The following SYNE2 variants were observed in gnomAD, a reference collection of about 807,000 sequenced individuals.
SYNE2 encodes the protein nesprin-2.
SYNE2 carries 431 observed loss-of-function variants against 856.3 expected under a neutral mutation model. That is an observed-to-expected ratio of 0.50 (90% CI 0.47 to 0.55). SYNE2 has a LOEUF of 0.55. Among genes scored for constraint, SYNE2 ranks in the 20% least tolerant of loss-of-function variants. The pLI is 0.00. For synonymous variants in SYNE2, 2,923 were observed against 2,872.3 expected, an observed-to-expected ratio of 1.02 and a Z score of -0.56; for missense variants, 8,129 against 8,023.2, an observed-to-expected ratio of 1.01 and a Z score of -0.50.
chr14:64,008,922 G>A lies in SYNE2; in HGVS notation c.4578-1044G>A, dbSNP rs188947498. ...GCGGGGGTTAATCCCTGTGTGCCTC[G>A]GCCTCCCTGGCAGTTTCCCCTGATT... On this transcript the variant is annotated intron_variant, in intron 31 of 115. Transcript: ENST00000555002. Among the ~76,000 whole-genome samples the A allele has an allele frequency of 1.9e-3, 284 of 152,148 alleles. 2 individuals carry two copies. The highest frequency in any genetic ancestry group is 6.5e-3 in the African/African-American group (271 of 41,492).
Position 64,091,006 on chromosome 14 carries a change from A to G in SYNE2, c.11934A>G (p.Lys3978=), listed in dbSNP as rs1200775062. ...QRTNQLLQDI[K]LLENVTQEQN... is the part of the protein sequence containing the mutation. ...CAAATCAGCTTTTACAAGATATAAA[A>G]CTATTGGAAAATGTGACTCAAGAAC... The change falls in exon 60 of 116, where the codon AAA becomes AAG. Residue 3978 remains lysine, a synonymous_variant. Coordinates refer to ENST00000555002, the MANE Select transcript of SYNE2 (RefSeq NM_182914.3). 4.3e-6 allele frequency: 7 copies of G among 1,614,026 alleles called. No homozygotes were observed. In the East Asian group the frequency reaches 1.6e-4, roughly 36 times the overall value.
Position 63,867,894 on chromosome 14 carries a change from G to GA in SYNE2, c.-52+14759dup, listed in dbSNP as rs555280124. On this transcript the variant is annotated intron_variant, in intron 1 of 115. Coordinates refer to ENST00000555002, the MANE Select transcript of SYNE2 (RefSeq NM_182914.3). ...ACAATATAGCAAGACCCCAACTCTT[G>GA]AAAAAAAATTGCTTTAATTAGCTAG... Among the ~76,000 whole-genome samples, 499 of 151,628 alleles carry GA rather than the reference G, an allele frequency of 3.3e-3. 3 individuals carry two copies. The highest frequency in any genetic ancestry group is 0.011 in the African/African-American group (472 of 41,356).
chr14:63,989,679 T>G (rs141493586), intron 19 of SYNE2, among the ~76,000 whole-genome samples: 1 of 151,602 alleles, frequency 6.6e-6, no homozygotes, highest in Non-Finnish European at 1.5e-5. Flanking sequence ...AGATGGAGTT[T>G]CACTCTTGTC....
chr14:63,818,471 T>C (rs1460749658), intron 1 of SYNE2, among the ~76,000 whole-genome samples: 1 of 151,986 alleles, frequency 6.6e-6, no homozygotes, highest in East Asian at 1.9e-4. Flanking sequence ...TGAGCTATGA[T>C]TGCTCCCCTG....
At chr14:63,864,884 A>T (rs547563204) in intron 1 of SYNE2, among the ~76,000 whole-genome samples, 9 of 152,086 alleles carry the variant, frequency 5.9e-5, no homozygotes, top group Non-Finnish European at 2.9e-5. Flanking sequence ...GATCTTGAGT[A>T]ATACTCCGTG....
chr14:64,220,392 C>G (rs1034494704), intron 110 of SYNE2, 45 bp from the exon 111 acceptor site: 12 of 1,608,254 alleles, frequency 7.5e-6, no homozygotes, highest in African/African-American at 1.3e-5. Context: ...AGCCCCTCCT[C>G]CCTACTTTCA....
chr14:63,843,510 A>C (rs1890136941), intron 1 of SYNE2, among the ~76,000 whole-genome samples: 1 of 152,196 alleles, frequency 6.6e-6, no homozygotes, highest in Admixed American at 6.6e-5. Context: ...TATGTTGGCT[A>C]ATCTCCATTC....
chr14:63,978,034 T>G lies in SYNE2; in HGVS notation c.1406+17T>G. On this transcript the variant is annotated intron_variant, in intron 13 of 115. Transcript: ENST00000555002. Reference sequence around the variant, plus strand: ...GAAAAGACGGTGTGTAACACTACCATTTCACAGCTGCTGTCACTATTCACG... The same window carrying G: ...GAAAAGACGGTGTGTAACACTACCAGTTCACAGCTGCTGTCACTATTCACG... The G allele has an allele frequency of 2.0e-6, 3 of 1,481,232 alleles. No homozygotes were observed. The highest frequency in any genetic ancestry group is 2.8e-6 in the Non-Finnish European group (3 of 1,058,866). 91.8% of individuals were successfully genotyped at this position (1,481,232 alleles called of 1,614,324 possible). A position where few individuals can be genotyped will look rare whatever the true frequency, so the allele number is the denominator to read the frequency against.
At chr14:63,812,603 C>T (rs893675351) in intron 1 of SYNE2, among the ~76,000 whole-genome samples, 1 of 152,112 alleles carries the variant, frequency 6.6e-6, no homozygotes, top group Non-Finnish European at 1.5e-5. Context: ...GAAATCTTCA[C>T]AATTTATGTT....
intron 65 of SYNE2, among the ~76,000 whole-genome samples, chr14:64,111,260 A>AT (rs1272778025): frequency 4.0e-5 from 6 of 151,302 alleles, no homozygotes; most frequent in Non-Finnish European, 7.4e-5. Context: ...TGAATAAATA[A>AT]TGAAGGCAGG....
At position 64,003,346 on chromosome 14, in the gene SYNE2, C is replaced by T; in HGVS notation, c.4397+16C>T. The stretch of plus-strand genomic sequence containing the variant: ...TGAAACATCGGTAAGTATTGTCCAT[C>T]CATTTCCATCCAAGGTGACTGACAT... On this transcript the variant is annotated intron_variant, in intron 30 of 115. Transcript: ENST00000555002. 1 of 1,613,876 alleles carries T rather than the reference C, an allele frequency of 6.2e-7. No individual in the cohort carries two copies. The highest frequency in any genetic ancestry group is 8.5e-7 in the Non-Finnish European group (1 of 1,179,982).
chr14:63,882,924 C>T (rs1440633686), intron 1 of SYNE2, among the ~76,000 whole-genome samples: 1 of 150,374 alleles, frequency 6.7e-6, no homozygotes, highest in Non-Finnish European at 1.5e-5. Flanking sequence ...TTATCCATGT[C>T]AGAGAAGTTT....
intron 17 of SYNE2, 24 bp from the exon 18 acceptor site, chr14:63,983,713 A>AT: frequency 6.3e-7 from 1 of 1,594,848 alleles, no homozygotes; most frequent in South Asian, 1.1e-5. Context: ...TGAGTATTAC[A>AT]TTTCATGAAA....
chr14:63,835,566 C>CGTGTGTGT (rs10557777), intron 1 of SYNE2, among the ~76,000 whole-genome samples: 1 of 149,360 alleles, frequency 6.7e-6, no homozygotes, highest in African/African-American at 2.5e-5. Flanking sequence ...TAGATATTTG[C>CGTGTGTGT]GTGTGTGTGT....
At chr14:64,061,705 G>T (rs943762373) in intron 49 of SYNE2, among the ~76,000 whole-genome samples, 2 of 152,130 alleles carry the variant, frequency 1.3e-5, no homozygotes, top group Non-Finnish European at 2.9e-5. Context: ...TTTATTGGTG[G>T]TTTTTTCTTA....
chr14:63,912,676 G>A (rs931764224), intron 2 of SYNE2, among the ~76,000 whole-genome samples: 11 of 152,172 alleles, frequency 7.2e-5, no homozygotes, highest in African/African-American at 1.7e-4. Flanking sequence ...AGACAATTGT[G>A]GCAACACCCT....
chr14:64,004,521 G>T (rs2096781232), intron 30 of SYNE2, among the ~76,000 whole-genome samples: 1 of 151,936 alleles, frequency 6.6e-6, no homozygotes, highest in Admixed American at 6.6e-5. Context: ...GTAGAGACGG[G>T]GTTTCACCAT....
chr14:63,832,342 T>C (rs1372774093), intron 1 of SYNE2, among the ~76,000 whole-genome samples: 1 of 151,508 alleles, frequency 6.6e-6, no homozygotes, highest in Non-Finnish European at 1.5e-5. Context: ...GGTTTTACCA[T>C]GTTGCCCAGG....
At chr14:63,877,476 G>C (rs2094751639) in intron 1 of SYNE2, among the ~76,000 whole-genome samples, 1 of 152,062 alleles carries the variant, frequency 6.6e-6, no homozygotes, top group African/African-American at 2.4e-5. Flanking sequence ...TGGTTAATTT[G>C]GTTACTTACA....
Sources: allele counts gnomAD v4.1 joint callset (sites outside exome capture counted in the v4.1 genomes callset), GRCh38; gene constraint gnomAD v4.1.1; transcripts MANE v1.5; gene names NCBI Gene and HGNC (gene_info 2026-07-23, HGNC 2026-07-21).